The following FSTL4 variants were observed in gnomAD, a reference collection of about 807,000 sequenced individuals.
FSTL4 encodes the protein follistatin-related protein 4.
A neutral mutation model predicts 78.2 loss-of-function variants in FSTL4; 28 were observed. That is an observed-to-expected ratio of 0.36 (90% CI 0.27 to 0.49). The LOEUF is 0.49. Among genes scored for constraint, FSTL4 ranks in the 20% least tolerant of loss-of-function variants. The pLI is 0.98. For missense variants in FSTL4, 922 were observed against 1,084.9 expected (o/e 0.85, Z 2.11); for synonymous variants, 422 against 440.5 (o/e 0.96, Z 0.53).
chr5:133,516,194 T>C (rs1352131899), intron 3 of FSTL4, among the ~76,000 whole-genome samples: 1 of 152,132 alleles, frequency 6.6e-6, no homozygotes, highest in Non-Finnish European at 1.5e-5. Flanking sequence ...ACTAAGACTT[T>C]GTTTCCTGGA....
At chr5:133,706,294 A>G in the FSTL4 span, among the ~76,000 whole-genome samples, 2 of 152,242 alleles carry the variant, frequency 1.3e-5, no homozygotes, top group Non-Finnish European at 2.9e-5. Context: ...AAAAAATGAT[A>G]CCTATCATTA....
chr5:133,769,165 T>A, the FSTL4 span, among the ~76,000 whole-genome samples: 3 of 152,246 alleles, frequency 2.0e-5, no homozygotes, highest in Non-Finnish European at 4.4e-5. Context: ...AAGACAGGAT[T>A]TGAAATCATT....
the FSTL4 span, among the ~76,000 whole-genome samples, chr5:133,822,136 G>A: frequency 0.19 from 28,302 of 152,030 alleles, 2,885 homozygotes; most frequent in East Asian, 0.41. Flanking sequence ...AACACTCCTC[G>A]CCCCCTGGAC....
upstream of FSTL4, among the ~76,000 whole-genome samples, chr5:133,613,089 C>G (rs1761138489): frequency 6.6e-6 from 1 of 152,226 alleles, no homozygotes; most frequent in Admixed American, 6.5e-5. Context: ...ATTTGCCTAC[C>G]TGACCTAGCT....
At chr5:133,442,649 G>T (rs1757184498) in intron 3 of FSTL4, among the ~76,000 whole-genome samples, 1 of 152,134 alleles carries the variant, frequency 6.6e-6, no homozygotes, top group Admixed American at 6.5e-5. Context: ...CTTGAGCCCT[G>T]GTAGAAGTGA....
At chr5:133,572,092 G>A (rs1396292722) in intron 2 of FSTL4, among the ~76,000 whole-genome samples, 1 of 152,074 alleles carries the variant, frequency 6.6e-6, no homozygotes, top group Admixed American at 6.6e-5. Flanking sequence ...CCATACCTAA[G>A]TACTCAGTAA....
intron 7 of FSTL4, among the ~76,000 whole-genome samples, chr5:133,238,429 A>C (rs1751727239): frequency 6.6e-6 from 1 of 152,210 alleles, no homozygotes; most frequent in East Asian, 1.9e-4. Context: ...CAGCAAACTT[A>C]AACACAGAGT....
chr5:133,803,899 G>A, the FSTL4 span, among the ~76,000 whole-genome samples: 15 of 152,160 alleles, frequency 9.9e-5, no homozygotes, highest in Non-Finnish European at 2.2e-4. Context: ...TTGGAGGGCA[G>A]AAGAGAAAGA....
chr5:133,499,104 A>G (rs945220375), intron 3 of FSTL4, among the ~76,000 whole-genome samples: 6 of 152,040 alleles, frequency 3.9e-5, no homozygotes, highest in African/African-American at 1.2e-4. Context: ...AATCCAAGTC[A>G]TATATGCCCA....
At chr5:133,281,805 G>A (rs1156779837) in intron 6 of FSTL4, among the ~76,000 whole-genome samples, 4 of 152,174 alleles carry the variant, frequency 2.6e-5, no homozygotes, top group African/African-American at 9.7e-5. Context: ...TCCAGGGCAT[G>A]GGTTGGGTCT....
At chr5:133,797,566 C>T in the FSTL4 span, among the ~76,000 whole-genome samples, 1 of 152,186 alleles carries the variant, frequency 6.6e-6, no homozygotes, top group African/African-American at 2.4e-5. Flanking sequence ...TATAACCAGG[C>T]ATGTCCAGCT....
chr5:133,432,614 G>A (rs1242344555), intron 3 of FSTL4, among the ~76,000 whole-genome samples: 5 of 152,296 alleles, frequency 3.3e-5, no homozygotes, highest in Admixed American at 6.5e-5. Context: ...TATTTATTGG[G>A]CATCTGCTAT....
chr5:133,396,302 T>A (rs1277339015), intron 4 of FSTL4, among the ~76,000 whole-genome samples: 1 of 152,146 alleles, frequency 6.6e-6, no homozygotes, highest in Non-Finnish European at 1.5e-5. Context: ...CTCACAACAC[T>A]CTATGAGGTA....
At chr5:133,204,732 T>C (rs1372213863) in intron 14 of FSTL4, among the ~76,000 whole-genome samples, 1 of 139,150 alleles carries the variant, frequency 7.2e-6, no homozygotes, top group Non-Finnish European at 1.6e-5. Context: ...CTCAGGAGAC[T>C]GAGGCACGAG....
At chr5:133,464,273 G>A (rs1209827327) in intron 3 of FSTL4, among the ~76,000 whole-genome samples, 1 of 152,208 alleles carries the variant, frequency 6.6e-6, no homozygotes, top group Non-Finnish European at 1.5e-5. Flanking sequence ...GTGCCCAGAA[G>A]AGCCCAAGTT....
rs1009130013 is a variant in FSTL4, at chr5:133,199,551, G to A, written c.2073C>T (p.Thr691=). Residue 691 remains threonine, a synonymous_variant, in exon 16 of 16, where the codon ACC becomes ACT. Coordinates refer to ENST00000265342, the MANE Select transcript of FSTL4 (RefSeq NM_015082.2). This position sits in a 1 kb window ranked among gnomAD's most constrained non-coding sequence, Gnocchi z 4.4. ...VLGPNGDVTG[T]PHTSPDGRFI... is the part of the protein sequence containing the mutation. ...AGCGCCCGTCGGGGGATGTGTGTGG[G>A]GTGCCTGTTACATCACCATTGGGGC... 1 of 1,613,960 alleles carries A rather than the reference G, an allele frequency of 6.2e-7. No homozygotes were observed. The highest frequency in any genetic ancestry group is 1.7e-5 in the Admixed American group (1 of 60,032).
At position 133,223,993 on chromosome 5, in the gene FSTL4, T is replaced by A. The variant is rs557946384; in HGVS notation, c.1339+197A>T. 2.0e-4 allele frequency: 102 copies of A among 522,248 alleles called. 1 individual carries two copies. The highest frequency in any genetic ancestry group is 1.6e-3 in the South Asian group (54 of 32,982). 32.4% of individuals were successfully genotyped at this position (522,248 alleles called of 1,614,324 possible). A position where few individuals can be genotyped will look rare whatever the true frequency, so the allele number is the denominator to read the frequency against. ...CCACTTTTAATGAAAGCTTTGCATT[T>A]AAAAATTTCTCATTAAAGACAGGAG... On this transcript the variant is annotated intron_variant, in intron 11 of 15. Coordinates refer to ENST00000265342, the MANE Select transcript of FSTL4 (RefSeq NM_015082.2).
rs1758100962 is a variant in FSTL4 at position 133,484,848 on chromosome 5, C to A, written c.160+82338G>T. Reference sequence around the variant, plus strand: ...CTTCCTTCTTACTTTGCATAGGTGTCATAGAATTAGTTGAGATCGTGAATG... The same window carrying A: ...CTTCCTTCTTACTTTGCATAGGTGTAATAGAATTAGTTGAGATCGTGAATG... On this transcript the variant is annotated intron_variant, in intron 3 of 15. Coordinates refer to ENST00000265342, the MANE Select transcript of FSTL4 (RefSeq NM_015082.2). Among the ~76,000 whole-genome samples the A allele has an allele frequency of 2.0e-5, 3 of 152,178 alleles. No individual in the cohort carries two copies. In the South Asian group the frequency reaches 6.2e-4, roughly 32 times the overall value.
chr5:133,533,894 G>C (rs969697945), intron 3 of FSTL4, among the ~76,000 whole-genome samples: 3 of 151,906 alleles, frequency 2.0e-5, no homozygotes, highest in African/African-American at 7.3e-5. Flanking sequence ...TGGCTCCCCC[G>C]AGTCCTTGCT....
Sources: gnomAD v4.1 joint callset for allele counts (sites outside exome capture counted in the v4.1 genomes callset) on GRCh38, gnomAD v4.1.1 for gene constraint, Gnocchi (gnomAD v3.1) non-coding constraint, MANE v1.5 for transcripts, NCBI Gene and HGNC (gene_info 2026-07-23, HGNC 2026-07-21) for gene names.